ABCA12: variants seen among roughly 807,000 people sequenced by gnomAD.
ABCA12 encodes glucosylceramide transporter ABCA12.
ABCA12 carries 156 observed loss-of-function variants against 293.5 expected under a neutral mutation model. That is an observed-to-expected ratio of 0.53 (90% confidence interval 0.47 to 0.61). The LOEUF is 0.61. Ranked by LOEUF, ABCA12 falls within the 20% of genes least tolerant of loss-of-function variation. The pLI is 0.00. For synonymous variants in ABCA12, 1,063 were observed against 1,108.0 expected, an observed-to-expected ratio of 0.96 and a Z score of 0.81; for missense variants, 2,797 against 3,090.2, an observed-to-expected ratio of 0.91 and a Z score of 2.25.
chr2:214,967,883 G>C (rs534329438), intron 38 of ABCA12, among the ~76,000 whole-genome samples: 5 of 152,096 alleles, frequency 3.3e-5, no homozygotes, highest in African/African-American at 1.2e-4. Context: ...AATATGTGTA[G>C]ACAATTTTAA....
intron 2 of ABCA12, among the ~76,000 whole-genome samples, chr2:215,071,143 G>T (rs1701729116): frequency 6.6e-6 from 1 of 151,234 alleles, no homozygotes; most frequent in Non-Finnish European, 1.5e-5. Context: ...GCTGCAGTGA[G>T]CCATGATCAT....
At chr2:215,048,288 C>T (rs1005552035) in intron 6 of ABCA12, among the ~76,000 whole-genome samples, 4 of 152,096 alleles carry the variant, frequency 2.6e-5, no homozygotes, top group African/African-American at 9.7e-5. Context: ...AACAGAGCTA[C>T]CATTCAACCC....
intron 13 of ABCA12, among the ~76,000 whole-genome samples, 172 bp downstream of exon 13, chr2:215,019,162 CTG>C (rs1405503081): frequency 6.6e-6 from 1 of 152,174 alleles, no homozygotes. Flanking sequence ...TGCTAGCTTT[CTG>C]TGTGTTTACT....
At chr2:215,064,018 A>G (rs1701587881) in intron 3 of ABCA12, 48 bp downstream of exon 3, 4 of 1,611,290 alleles carry the variant, frequency 2.5e-6, no homozygotes, top group Non-Finnish European at 2.5e-6. Flanking sequence ...GAAGGAAACA[A>G]GATTTGATCT....
chr2:215,062,151 A>G (rs1323111485), intron 3 of ABCA12, among the ~76,000 whole-genome samples: 2 of 151,932 alleles, frequency 1.3e-5, no homozygotes, highest in African/African-American at 4.8e-5. Flanking sequence ...TCCCTCTGGC[A>G]GTCTTCATTG....
intron 2 of ABCA12, chr2:215,085,535 G>A (rs1702023156): frequency 6.6e-6 from 1 of 152,184 alleles, no homozygotes; most frequent in African/African-American, 2.4e-5. Context: ...TACAGTGAGT[G>A]CTCTTTCATC....
intron 2 of ABCA12, among the ~76,000 whole-genome samples, chr2:215,095,403 T>C (rs1339879375): frequency 2.0e-5 from 3 of 152,162 alleles, no homozygotes; most frequent in Admixed American, 6.6e-5. Context: ...TCCCAATTCA[T>C]ACAGAACCGC....
rs1365331501 is a variant in ABCA12 at position 215,011,519 on chromosome 2, C to T, written c.2252G>A (p.Gly751Asp). Reference sequence around the variant, plus strand: ...AGTCAAAAAATCCTTGGTGTGGTTGCCTTTTGGCCTCTGGGAAGAGGGCAG... The same window carrying T: ...AGTCAAAAAATCCTTGGTGTGGTTGTCTTTTGGCCTCTGGGAAGAGGGCAG... ...AMLPSSQRPK[G>D]NHTKDFLTYK... The change falls in exon 17 of 53, where the codon GGC (glycine) becomes GAC (aspartate). Residue 751 changes from glycine to aspartate, a missense_variant. Physicochemically the swap from Gly to Asp is moderately conservative, Grantham distance 94. Around this residue, in one of 3 missense-constraint regions of ABCA12, gnomAD observed 2,130 missense variants for 2,427.0 expected, o/e 0.88. Coordinates refer to ENST00000272895, the MANE Select transcript of ABCA12 (RefSeq NM_173076.3). 3.1e-6 allele frequency: 5 copies of T among 1,613,844 alleles called. No homozygotes were observed. The Admixed American group carries it at 6.7e-5, about 22-fold the overall frequency.
chr2:215,047,047 G>A (rs993078917), intron 6 of ABCA12, among the ~76,000 whole-genome samples: 2 of 152,084 alleles, frequency 1.3e-5, no homozygotes, highest in East Asian at 1.9e-4. Flanking sequence ...ACACACAGAG[G>A]GGAACAACAC....
chr2:215,059,646 G>A (rs1701489534), intron 3 of ABCA12, among the ~76,000 whole-genome samples: 1 of 151,868 alleles, frequency 6.6e-6, no homozygotes, highest in Non-Finnish European at 1.5e-5. Flanking sequence ...AATTTGTCAG[G>A]CTATTATTAT....
intron 23 of ABCA12, among the ~76,000 whole-genome samples, chr2:214,996,653 C>G (rs1331017869): frequency 1.3e-5 from 2 of 152,118 alleles, no homozygotes; most frequent in South Asian, 4.1e-4. Flanking sequence ...TATAAAAATG[C>G]AGCTGTGTGG....
chr2:214,938,983 T>G (rs1442649059), intron 50 of ABCA12, among the ~76,000 whole-genome samples: 1 of 152,214 alleles, frequency 6.6e-6, no homozygotes, highest in African/African-American at 2.4e-5. Flanking sequence ...TTGTCTATTT[T>G]GGCTTTTGTT....
At chr2:214,963,598 G>C (rs1699172743) in intron 39 of ABCA12, among the ~76,000 whole-genome samples, 1 of 102,302 alleles carries the variant, frequency 9.8e-6, no homozygotes, top group Non-Finnish European at 1.8e-5. Context: ...AAACCTGGCA[G>C]AGATACCAAA....
Position 214,948,755 on chromosome 2 carries a change from A to G in ABCA12, c.6963-18T>C. On this transcript the variant is annotated intron_variant, in intron 46 of 52. Transcript: ENST00000272895. ...CCAGAGATCTGAATTGAGAGAATCA[A>G]AAACACAGATGAATTTCAAAAGATT... 5 of 1,613,992 alleles carry G rather than the reference A, an allele frequency of 3.1e-6. No homozygotes were observed. The highest frequency in any genetic ancestry group is 4.2e-6 in the Non-Finnish European group (5 of 1,179,932).
At chr2:215,073,893 G>C (rs1701786269) in intron 2 of ABCA12, among the ~76,000 whole-genome samples, 1 of 152,196 alleles carries the variant, frequency 6.6e-6, no homozygotes, top group Non-Finnish European at 1.5e-5. Flanking sequence ...CTCTAAACCA[G>C]ACTCTGGGGC....
rs1265999080 is a variant in ABCA12 at position 215,072,994 on chromosome 2, C to G, written c.164-8775G>C. The stretch of plus-strand genomic sequence containing the variant: ...CCTGTAACCCCAGCTACCTGGGAAG[C>G]TGAGGCAGGAGAATTGCTTGAACCC... On this transcript the variant is annotated intron_variant, in intron 2 of 52. Transcript: ENST00000272895. Among the ~76,000 whole-genome samples, 7 of 152,150 alleles carry G rather than the reference C, an allele frequency of 4.6e-5. No individual in the cohort carries two copies. The East Asian group carries it at 1.4e-3, about 29-fold the overall frequency.
chr2:215,128,973 T>G (rs1702991044), intron 1 of ABCA12, among the ~76,000 whole-genome samples: 1 of 152,210 alleles, frequency 6.6e-6, no homozygotes. Flanking sequence ...TTCAGACTTT[T>G]TTGTCCCATG....
intron 1 of ABCA12, among the ~76,000 whole-genome samples, chr2:215,129,321 T>C (rs886263380): frequency 2.2e-4 from 34 of 152,174 alleles, no homozygotes; most frequent in African/African-American, 8.2e-4. Flanking sequence ...CTGTGTCTGA[T>C]CTCAGGTCTC....
chr2:215,010,817 A>G (rs2106000947), intron 17 of ABCA12, among the ~76,000 whole-genome samples: 1 of 152,348 alleles, frequency 6.6e-6, no homozygotes, highest in African/African-American at 2.4e-5. Context: ...GGATAGTACC[A>G]GATACATAAG....
Sources: gnomAD v4.1 joint callset for allele counts (sites outside exome capture counted in the v4.1 genomes callset) on GRCh38, gnomAD v4.1.1 for gene constraint, gnomAD v4.1.1 regional missense constraint, MANE v1.5 for transcripts, NCBI Gene and HGNC (gene_info 2026-07-23, HGNC 2026-07-21) for gene names.